CALD1: variants seen among roughly 807,000 people sequenced by gnomAD.
The protein encoded by CALD1 is caldesmon 1.
CALD1 carries 33 observed loss-of-function variants against 99.9 expected under a neutral mutation model. The observed-to-expected ratio is 0.33, with a 90% confidence interval of 0.25 to 0.44. The LOEUF (loss-of-function observed/expected upper bound fraction) is 0.44, where lower values mean the gene tolerates loss of function less well. Among genes scored for constraint, CALD1 ranks in the 20% least tolerant of loss-of-function variants. The pLI is 1.00. For missense variants in CALD1, 861 were observed against 962.1 expected (o/e 0.89, Z 1.39); for synonymous variants, 310 against 325.0 (o/e 0.95, Z 0.50).
intron 3 of CALD1, among the ~76,000 whole-genome samples, chr7:134,888,158 G>C (rs1489188985): frequency 2.0e-5 from 3 of 152,144 alleles, no homozygotes; most frequent in Admixed American, 6.5e-5. Flanking sequence ...TCCCAGCCCA[G>C]AATCTCTTTG....
chr7:134,818,356 T>A (rs1258491692), intron 1 of CALD1, among the ~76,000 whole-genome samples: 1 of 152,206 alleles, frequency 6.6e-6, no homozygotes, highest in African/African-American at 2.4e-5. Context: ...GCTTTCTTCT[T>A]AGGTTTTAAT....
intron 2 of CALD1, among the ~76,000 whole-genome samples, chr7:134,855,311 C>T (rs2132244958): frequency 6.6e-6 from 1 of 152,298 alleles, no homozygotes; most frequent in South Asian, 2.1e-4. Context: ...TGAATACTCT[C>T]ACTTGAGGGG....
At chr7:134,767,952 A>T (rs1796841524) in intron 1 of CALD1, among the ~76,000 whole-genome samples, 1 of 152,256 alleles carries the variant, frequency 6.6e-6, no homozygotes, top group African/African-American at 2.4e-5. Flanking sequence ...CTCTAGCCAC[A>T]GCTTTGCATG....
At chr7:134,953,728 T>C (rs1391169151) in intron 9 of CALD1, among the ~76,000 whole-genome samples, 3 of 145,650 alleles carry the variant, frequency 2.1e-5, no homozygotes, top group African/African-American at 5.0e-5. Flanking sequence ...ATTTCTTCTC[T>C]ACCAAATTTC....
At chr7:134,737,194 A>G in the CALD1 span, among the ~76,000 whole-genome samples, 1 of 152,170 alleles carries the variant, frequency 6.6e-6, no homozygotes, top group African/African-American at 2.4e-5. Flanking sequence ...GCACTATCAC[A>G]GTTCATTGCA....
intron 3 of CALD1, among the ~76,000 whole-genome samples, chr7:134,896,073 C>G (rs935849393): frequency 6.6e-6 from 1 of 152,160 alleles, no homozygotes; most frequent in African/African-American, 2.4e-5. Context: ...TGGCTCATAT[C>G]CCTGCCCTCT....
At chr7:134,901,497 G>T (rs191227418) in intron 3 of CALD1, among the ~76,000 whole-genome samples, 26 of 152,144 alleles carry the variant, frequency 1.7e-4, no homozygotes, top group Admixed American at 8.5e-4. Flanking sequence ...TGAATCTGGG[G>T]GAGCTTCTGG....
chr7:134,738,743 A>G, the CALD1 span, among the ~76,000 whole-genome samples: 1 of 152,186 alleles, frequency 6.6e-6, no homozygotes, highest in Non-Finnish European at 1.5e-5. Flanking sequence ...TGTCTCTTTT[A>G]AAGTCCCCTC....
chr7:134,966,571 T>C (rs1808696382), intron 14 of CALD1, among the ~76,000 whole-genome samples: 2 of 152,156 alleles, frequency 1.3e-5, no homozygotes, highest in African/African-American at 2.4e-5. Flanking sequence ...CTGAGAAAAA[T>C]GAGGCATTGA....
At chr7:134,894,949 A>G (rs1802453857) in intron 3 of CALD1, among the ~76,000 whole-genome samples, 1 of 152,136 alleles carries the variant, frequency 6.6e-6, no homozygotes, top group South Asian at 2.1e-4. Context: ...TGCAGCTGAA[A>G]GTTAAAAGTT....
At chr7:134,854,442 G>A (rs1382052887) in intron 2 of CALD1, among the ~76,000 whole-genome samples, 1 of 152,184 alleles carries the variant, frequency 6.6e-6, no homozygotes, top group African/African-American at 2.4e-5. Flanking sequence ...GATGATGGTT[G>A]TAGAGTCTCA....
chr7:134,872,573 C>T (rs908365801), intron 3 of CALD1, among the ~76,000 whole-genome samples: 5 of 152,050 alleles, frequency 3.3e-5, no homozygotes, highest in African/African-American at 1.2e-4. Context: ...ATGCAAGATA[C>T]TATACCGAAC....
At chr7:134,831,914 G>GA (rs1799240160) in intron 1 of CALD1, among the ~76,000 whole-genome samples, 1 of 152,184 alleles carries the variant, frequency 6.6e-6, no homozygotes, top group African/African-American at 2.4e-5. Flanking sequence ...AAAGGCTTTA[G>GA]AACAGGAAAG....
chr7:134,779,431 C>A, upstream of CALD1: 1 of 372,752 alleles, frequency 2.7e-6, no homozygotes, highest in African/African-American at 2.1e-5. Flanking sequence ...ATTTCCTGAG[C>A]ATGCCTAGGG....
intron 2 of CALD1, among the ~76,000 whole-genome samples, chr7:134,859,050 C>T (rs1043058089): frequency 3.9e-5 from 6 of 152,180 alleles, no homozygotes; most frequent in African/African-American, 7.2e-5. Flanking sequence ...TAAATGACCT[C>T]GTGGCTGGTG....
intron 3 of CALD1, among the ~76,000 whole-genome samples, chr7:134,914,948 T>C (rs1397706465): frequency 1.3e-5 from 2 of 152,226 alleles, no homozygotes; most frequent in African/African-American, 2.4e-5. Flanking sequence ...CTTTCAGGGG[T>C]TGAATTTATC....
In CALD1 at chr7:134,947,652, G is replaced by A. The variant is rs1484716660; in HGVS notation, c.1677G>A (p.Gln559=). ...EEFEKLKQKQ[Q]EAALELEELK... ...TCGAGAAGCTCAAACAGAAGCAGCA[G>A]GAGGCGGCTTTGGAGCTGGAGGAAC... Residue 559 remains glutamine (Q), a synonymous_variant, in exon 8 of 15, where the codon CAG becomes CAA. Coordinates refer to ENST00000361675, the MANE Select transcript of CALD1 (RefSeq NM_033138.4). 1 of 1,582,848 alleles carries A rather than the reference G, an allele frequency of 6.3e-7. No individual in the cohort carries two copies. Among genetic ancestry groups the A allele is most frequent in the Non-Finnish European group, 8.6e-7 (1 of 1,163,664 alleles).
rs570874589 is a variant in CALD1 at position 134,767,830 on chromosome 7, A to G, written c.-130+23467A>G. ...CCGTGTTTCTGATTATATGAAAGTGACAGTGACAAGATTAGAACAAGGACA... is the reference window on the plus strand; with the variant it reads ...CCGTGTTTCTGATTATATGAAAGTGGCAGTGACAAGATTAGAACAAGGACA... On this transcript the variant is annotated intron_variant, in intron 1 of 13. Transcript: ENST00000417172. Among the ~76,000 whole-genome samples the G allele has an allele frequency of 2.0e-5, 3 of 152,264 alleles. 1 individual carries two copies. In the South Asian group the frequency reaches 6.2e-4, roughly 31 times the overall value.
the CALD1 span, among the ~76,000 whole-genome samples, chr7:134,725,454 G>C: frequency 1.3e-5 from 2 of 152,160 alleles, no homozygotes; most frequent in Non-Finnish European, 2.9e-5. Flanking sequence ...GGGTGATTTA[G>C]GGCAGGATTT....
Sources: allele counts gnomAD v4.1 joint callset (sites outside exome capture counted in the v4.1 genomes callset), GRCh38; gene constraint gnomAD v4.1.1; transcripts MANE v1.5; gene names NCBI Gene and HGNC (gene_info 2026-07-23, HGNC 2026-07-21).